Variants in RNF212B observed in about 807,000 individuals in gnomAD.
RNF212B encodes the protein ring finger protein 212B, also known as E3 ubiquitin-protein ligase RNF212B.
Under a neutral mutation model 55.5 loss-of-function variants are expected in RNF212B, and 52 were observed. The observed-to-expected ratio is 0.94, with a 90% CI of 0.75 to 1.18. RNF212B has a LOEUF of 1.18. RNF212B is among the 50% of genes most tolerant of loss of function. RNF212B has a pLI of 0.00. For missense variants in RNF212B, 289 were observed against 350.4 expected (o/e 0.82, Z 1.40); for synonymous variants, 99 against 121.4 (o/e 0.82, Z 1.21).
intron 2 of RNF212B, among the ~76,000 whole-genome samples, chr14:23,210,540 G>A (rs143569292): frequency 0.033 from 4,953 of 152,230 alleles, 266 homozygotes; most frequent in African/African-American, 0.11. Flanking sequence ...AACTTTGGGA[G>A]GCTGAGGCGG....
At position 23,223,312 on chromosome 14, in the gene RNF212B, C is replaced by G. The variant is rs10137582; in HGVS notation, c.-1-17033C>G. Among the ~76,000 whole-genome samples the G allele has an allele frequency of 6.4e-3, 967 of 151,886 alleles. 10 individuals are homozygous for G. Among genetic ancestry groups the G allele is most frequent in the African/African-American group, 0.022 (917 of 41,464 alleles). On this transcript the variant is annotated intron_variant, in intron 2 of 15. Coordinates refer to the RNF212B transcript ENST00000399910. ...TCAATATAATAAAAGCCACATATGA[C>G]AGACCCACAGCTAATATTACACTGA...
chr14:23,232,886 C>T (rs1236067001), intron 2 of RNF212B, among the ~76,000 whole-genome samples: 1 of 126,366 alleles, frequency 7.9e-6, no homozygotes, highest in Non-Finnish European at 1.9e-5. Flanking sequence ...CTCTGCCCGG[C>T]CACCACCCCA....
chr14:23,267,173 G>A (rs1016437590), intron 11 of RNF212B, among the ~76,000 whole-genome samples: 1 of 151,912 alleles, frequency 6.6e-6, no homozygotes, highest in Non-Finnish European at 1.5e-5. Flanking sequence ...GTAGAGACGA[G>A]GTCTCCCTGT....
chr14:23,230,173 G>A (rs1446295852), intron 2 of RNF212B: 1 of 153,302 alleles, frequency 6.5e-6, no homozygotes, highest in Admixed American at 6.5e-5. Context: ...GAGAGAGAGA[G>A]TTGTAGTTCT....
intron 3 of RNF212B, 58 bp downstream of exon 3, chr14:23,243,366 T>C: frequency 7.3e-7 from 1 of 1,375,930 alleles, no homozygotes; most frequent in South Asian, 1.2e-5. Context: ...CTGTAGGAAG[T>C]ATATACAAAG....
intron 4 of RNF212B, among the ~76,000 whole-genome samples, chr14:23,250,736 G>C (rs1566429431): frequency 6.6e-6 from 1 of 152,082 alleles, no homozygotes; most frequent in Non-Finnish European, 1.5e-5. Context: ...TGCCCAAGGT[G>C]GTCAGAGTAC....
chr14:23,257,689 C>A (rs1246617011), intron 4 of RNF212B, among the ~76,000 whole-genome samples: 1 of 152,120 alleles, frequency 6.6e-6, no homozygotes, highest in African/African-American at 2.4e-5. Context: ...ATTCAGCAAT[C>A]CCATGATAGA....
chr14:23,244,823 A>C (rs904214008), intron 4 of RNF212B, among the ~76,000 whole-genome samples: 1 of 152,142 alleles, frequency 6.6e-6, no homozygotes, highest in African/African-American at 2.4e-5. Context: ...CTTGTTTCCC[A>C]TTCTCACTTT....
intron 2 of RNF212B, among the ~76,000 whole-genome samples, chr14:23,216,955 A>G (rs2051307353): frequency 6.6e-6 from 1 of 150,404 alleles, no homozygotes; most frequent in Non-Finnish European, 1.5e-5. Flanking sequence ...ACAACATTTT[A>G]AATGATAAAA....
chr14:23,218,962 A>C (rs572219756), intron 2 of RNF212B, among the ~76,000 whole-genome samples: 1 of 152,226 alleles, frequency 6.6e-6, no homozygotes, highest in African/African-American at 2.4e-5. Context: ...AAAAGAAACA[A>C]ATAACAAAAT....
chr14:23,235,773 ATT>A (rs1467036775), upstream of RNF212B, among the ~76,000 whole-genome samples: 2 of 152,220 alleles, frequency 1.3e-5, no homozygotes, highest in Admixed American at 6.5e-5. Context: ...GTGAACCAAA[ATT>A]TTTGAAATGA....
intron 2 of RNF212B, among the ~76,000 whole-genome samples, chr14:23,215,283 G>C (rs1880955142): frequency 6.6e-6 from 1 of 152,130 alleles, no homozygotes; most frequent in Admixed American, 6.5e-5. Flanking sequence ...TAGCCGTGCA[G>C]AACTGTGAGT....
intron 11 of RNF212B, among the ~76,000 whole-genome samples, chr14:23,266,016 G>A (rs1885666042): frequency 6.6e-6 from 1 of 151,912 alleles, no homozygotes; most frequent in Non-Finnish European, 1.5e-5. Flanking sequence ...TCACTCTGTT[G>A]CCCAGACTGG....
At chr14:23,199,280 G>T (rs1180233695) in intron 2 of RNF212B, among the ~76,000 whole-genome samples, 1 of 152,302 alleles carries the variant, frequency 6.6e-6, no homozygotes, top group Non-Finnish European at 1.5e-5. Context: ...AGTCTGGAAA[G>T]GCAGGAAGAC....
intron 14 of RNF212B, among the ~76,000 whole-genome samples, chr14:23,271,087 T>C (rs1886041193): frequency 6.6e-6 from 1 of 152,198 alleles, no homozygotes; most frequent in African/African-American, 2.4e-5. Flanking sequence ...ATGATTCTGA[T>C]TCCAGCAACA....
intron 11 of RNF212B, among the ~76,000 whole-genome samples, chr14:23,267,310 C>T (rs142799282): frequency 6.0e-4 from 91 of 152,218 alleles, no homozygotes; most frequent in African/African-American, 2.2e-3. Context: ...CTTATTTTCT[C>T]TTCAATTCTA....
chr14:23,216,201 G>T (rs538442234), intron 2 of RNF212B, among the ~76,000 whole-genome samples: 1 of 152,080 alleles, frequency 6.6e-6, no homozygotes, highest in Non-Finnish European at 1.5e-5. Flanking sequence ...AGTCAAGATC[G>T]TGCCACTGCA....
At chr14:23,205,938 A>G (rs1476963385) in intron 2 of RNF212B, among the ~76,000 whole-genome samples, 1 of 152,238 alleles carries the variant, frequency 6.6e-6, no homozygotes, top group African/African-American at 2.4e-5. Context: ...GGTAAGTATG[A>G]AATTTGCTTG....
chr14:23,218,375 A>T (rs2144828), intron 2 of RNF212B, among the ~76,000 whole-genome samples: 25,572 of 150,908 alleles, frequency 0.17, 2,217 homozygotes, highest in Non-Finnish European at 0.18. Flanking sequence ...CTCAAAAAAA[A>T]AAATAAATAA....
Sources: allele counts gnomAD v4.1 joint callset (sites outside exome capture counted in the v4.1 genomes callset), GRCh38; gene constraint gnomAD v4.1.1; transcripts MANE v1.5; gene names NCBI Gene and HGNC (gene_info 2026-07-23, HGNC 2026-07-21).